Variants in KDM4B observed in about 807,000 individuals in gnomAD.
KDM4B encodes the protein lysine demethylase 4B.
In KDM4B, 32 loss-of-function variants were observed where a neutral mutation model predicts 125.2. That is an observed-to-expected ratio of 0.26 (90% CI 0.19 to 0.34). KDM4B has a LOEUF of 0.34. Among genes scored for constraint, KDM4B ranks in the 10% least tolerant of loss-of-function variants. The pLI, the probability that KDM4B is intolerant of heterozygous loss-of-function variation, is 1.00. For synonymous variants in KDM4B, 721 were observed against 677.9 expected (o/e 1.06, Z -0.99); for missense variants, 1,190 against 1,577.7 (o/e 0.75, Z 4.16).
intron 7 of KDM4B, among the ~76,000 whole-genome samples, chr19:5,072,569 A>G (rs754634923): frequency 3.3e-5 from 5 of 152,216 alleles, no homozygotes; most frequent in Non-Finnish European, 5.9e-5. Context: ...AAAGCTGTGA[A>G]AGAAAAGCTA....
In KDM4B at chr19:4,969,554, G is replaced by T. The variant is rs1015267004; in HGVS notation, c.-109+324G>T. ...TGGGCACAGACGGCCCCGGCGCCCC[G>T]CACAAAAGATGACAGCGTGGGTGGC... is the stretch of plus-strand genomic sequence containing the variant. On this transcript the variant is annotated intron_variant, in intron 1 of 22. Coordinates refer to ENST00000159111, the MANE Select transcript of KDM4B (RefSeq NM_015015.3). 1.0e-3 allele frequency among the ~76,000 whole-genome samples: 153 copies of T among 151,296 alleles called. 2 individuals are homozygous for T. Among genetic ancestry groups the T allele is most frequent in the African/African-American group, 3.4e-3 (142 of 41,436 alleles).
chr19:5,006,376 G>A (rs535580126), intron 1 of KDM4B, among the ~76,000 whole-genome samples: 1 of 152,032 alleles, frequency 6.6e-6, no homozygotes, highest in Non-Finnish European at 1.5e-5. Context: ...GTCCTTCCTG[G>A]CACTCCAGGC....
intron 3 of KDM4B, among the ~76,000 whole-genome samples, chr19:5,037,622 A>G (rs1478662926): frequency 6.6e-6 from 1 of 152,084 alleles, no homozygotes; most frequent in Admixed American, 6.5e-5. Flanking sequence ...GTTTAACTCT[A>G]AATTAGTGTT....
intron 6 of KDM4B, among the ~76,000 whole-genome samples, chr19:5,050,250 G>A (rs1262757155): frequency 6.6e-6 from 1 of 152,240 alleles, no homozygotes; most frequent in Non-Finnish European, 1.5e-5. Flanking sequence ...AAAGTGACGT[G>A]AACAGCCTGG....
intron 1 of KDM4B, among the ~76,000 whole-genome samples, chr19:5,012,142 G>C (rs75012405): frequency 6.6e-6 from 1 of 152,100 alleles, no homozygotes; most frequent in Non-Finnish European, 1.5e-5. Flanking sequence ...CCTAGAAGCC[G>C]CAGCAGGGTT....
chr19:5,108,017 C>T (rs542579263), intron 9 of KDM4B, among the ~76,000 whole-genome samples: 9 of 152,358 alleles, frequency 5.9e-5, no homozygotes, highest in African/African-American at 1.7e-4. Flanking sequence ...CAGCTTTGTC[C>T]TGGCAGTGGC....
intron 6 of KDM4B, among the ~76,000 whole-genome samples, chr19:5,048,931 G>T (rs1220840535): frequency 2.6e-5 from 4 of 152,168 alleles, no homozygotes; most frequent in African/African-American, 7.2e-5. Context: ...GGAGGTGGGG[G>T]ACCAGCCAGT....
At chr19:5,049,996 C>T (rs1307357195) in intron 6 of KDM4B, among the ~76,000 whole-genome samples, 2 of 152,146 alleles carry the variant, frequency 1.3e-5, no homozygotes, top group Admixed American at 1.3e-4. Flanking sequence ...CTGGGAGATG[C>T]TTCCCCCCTC....
chr19:5,147,978 G>A (rs899687677), intron 21 of KDM4B, among the ~76,000 whole-genome samples: 1 of 152,318 alleles, frequency 6.6e-6, no homozygotes, highest in South Asian at 2.1e-4. Flanking sequence ...TCAGCGGGGC[G>A]GGTGGCTGGG....
chr19:5,063,651 G>T (rs949958325), intron 6 of KDM4B, among the ~76,000 whole-genome samples: 5 of 152,206 alleles, frequency 3.3e-5, no homozygotes, highest in African/African-American at 1.2e-4. Flanking sequence ...GCCCAGCAAC[G>T]CAGGCAGGGA....
At chr19:5,021,199 G>A (rs971581564) in intron 2 of KDM4B, among the ~76,000 whole-genome samples, 1 of 151,884 alleles carries the variant, frequency 6.6e-6, no homozygotes, top group Non-Finnish European at 1.5e-5. Context: ...GCGGCCCTGT[G>A]TCCTCCAGCT....
chr19:5,035,863 C>CTGTGTGTGTGTGCGTGTGTGTG lies in KDM4B; in HGVS notation c.141+2844_141+2845insCGTGTGTGTGTGTGTGTGTGTG, dbSNP rs1555696829. On this transcript the variant is annotated intron_variant, in intron 3 of 22. Coordinates refer to ENST00000159111, the MANE Select transcript of KDM4B (RefSeq NM_015015.3). The surrounding 1 kb of genome is among the most constrained non-coding windows in gnomAD (Gnocchi z 5.3). ...GGAGGGGCTGTGTGTGCACGTGTCT[C>CTGTGTGTGTGTGCGTGTGTGTG]TGTGTGTGTGTGTGTGTGCGCGCGC... Among the ~76,000 whole-genome samples, 7 of 142,188 alleles carry CTGTGTGTGTGTGCGTGTGTGTG rather than the reference C, an allele frequency of 4.9e-5. No individual in the cohort carries two copies. Among genetic ancestry groups the CTGTGTGTGTGTGCGTGTGTGTG allele is most frequent in the African/African-American group, 1.8e-4 (7 of 38,430 alleles). 93.3% of individuals were successfully genotyped at this position (142,188 alleles called of 152,430 possible).
At position 5,035,911 on chromosome 19, in the gene KDM4B, G is replaced by A. The variant is rs934480663; in HGVS notation, c.141+2880G>A. Among the ~76,000 whole-genome samples, 2 of 148,154 alleles carry A rather than the reference G, an allele frequency of 1.3e-5. No homozygotes were observed. Among genetic ancestry groups the A allele is most frequent in the African/African-American group, 2.4e-5 (1 of 40,934 alleles). ...CGCGCGCGCGCCTGCGCGCACAGGA[G>A]ACTGAGGTGGGGAGGCAGCTCTCAC... On this transcript the variant is annotated intron_variant, in intron 3 of 22. Transcript: ENST00000159111. This position sits in a 1 kb window ranked among gnomAD's most constrained non-coding sequence, Gnocchi z 5.3.
At chr19:5,107,119 C>T (rs991504842) in intron 9 of KDM4B, among the ~76,000 whole-genome samples, 2 of 152,236 alleles carry the variant, frequency 1.3e-5, no homozygotes, top group African/African-American at 4.8e-5. Context: ...GGGGCACCGC[C>T]ACCCTGCGTT....
At chr19:5,146,571 A>G (rs10418208) in intron 21 of KDM4B, among the ~76,000 whole-genome samples, 42,464 of 152,016 alleles carry the variant, frequency 0.28, 6,230 homozygotes, top group African/African-American at 0.36. Context: ...AGCCCATCCC[A>G]GGCAGCAGCA....
chr19:5,098,607 C>T (rs1045327191), intron 9 of KDM4B, among the ~76,000 whole-genome samples: 5 of 152,144 alleles, frequency 3.3e-5, no homozygotes, highest in Non-Finnish European at 7.4e-5. Flanking sequence ...TCTGTGTCCC[C>T]TCAGAGTCAT....
At position 5,081,096 on chromosome 19, in the gene KDM4B, C is replaced by T. The variant is rs1266556549; in HGVS notation, c.781-1271C>T. 2 of 152,188 alleles carry T rather than the reference C, an allele frequency of 1.3e-5. No individual in the cohort carries two copies. Among genetic ancestry groups the T allele is most frequent in the Admixed American group, 1.3e-4 (2 of 15,282 alleles). 9.4% of individuals were successfully genotyped at this position (152,188 alleles called of 1,614,324 possible). On this transcript the variant is annotated intron_variant, in intron 8 of 22. Transcript: ENST00000159111. The surrounding 1 kb of genome is among the most constrained non-coding windows in gnomAD (Gnocchi z 4.2). ...GGGGCCCGGCATGTTTTGTTCCTGTCTGGATCAGTGGTTACGCCCAGAACT... is the reference window on the plus strand; with the variant it reads ...GGGGCCCGGCATGTTTTGTTCCTGTTTGGATCAGTGGTTACGCCCAGAACT...
intron 1 of KDM4B, among the ~76,000 whole-genome samples, chr19:4,995,389 C>T (rs979203272): frequency 1.3e-5 from 2 of 152,102 alleles, no homozygotes; most frequent in African/African-American, 4.8e-5. Flanking sequence ...AGCGATTCTC[C>T]TGCCTCAGCC....
At chr19:5,125,492 G>A (rs1045108408) in intron 11 of KDM4B, among the ~76,000 whole-genome samples, 2 of 152,228 alleles carry the variant, frequency 1.3e-5, no homozygotes, top group Non-Finnish European at 2.9e-5. Context: ...TCGTCCAGCT[G>A]CCTGGCGTAG....
Sources: allele counts gnomAD v4.1 joint callset (sites outside exome capture counted in the v4.1 genomes callset), GRCh38; gene constraint gnomAD v4.1.1; non-coding constraint Gnocchi (gnomAD v3.1); transcripts MANE v1.5; gene names NCBI Gene and HGNC (gene_info 2026-07-23, HGNC 2026-07-21).